The following SRCIN1 variants were observed in gnomAD, a reference collection of about 807,000 sequenced individuals.
The protein encoded by SRCIN1 is P130Cas-associated protein.
SRCIN1 carries 50 observed loss-of-function variants against 116.2 expected under a neutral mutation model. The observed-to-expected ratio is 0.43, with a 90% CI of 0.34 to 0.54. The LOEUF is 0.54. Ranked by LOEUF, SRCIN1 falls within the 20% of genes least tolerant of loss-of-function variation. SRCIN1 has a pLI of 0.02. For synonymous variants in SRCIN1, 736 were observed against 750.0 expected (o/e 0.98, Z 0.30); for missense variants, 1,446 against 1,672.0 (o/e 0.86, Z 2.36).
intron 17 of SRCIN1, chr17:38,545,160 C>T (rs2143035805): frequency 6.5e-6 from 1 of 153,098 alleles, no homozygotes; most frequent in Non-Finnish European, 1.5e-5. Context: ...CCTGAGGACA[C>T]TGTACTCTGG....
At chr17:38,553,146 C>T (rs865790945) in intron 11 of SRCIN1, among the ~76,000 whole-genome samples, 5 of 152,080 alleles carry the variant, frequency 3.3e-5, no homozygotes, top group African/African-American at 1.2e-4. Flanking sequence ...GTCCCAGCTA[C>T]TCGGGAGGCT....
rs1026505654 is a variant in SRCIN1 at position 38,552,970 on chromosome 17, G to A, written c.2202-115C>T. ...ACCAGTTGGATCGAAAGTAAAAGCAGGAGGCTGGGCACCGTGGCTCACGCC... is the reference window on the plus strand; with the variant it reads ...ACCAGTTGGATCGAAAGTAAAAGCAAGAGGCTGGGCACCGTGGCTCACGCC... On this transcript the variant is annotated intron_variant, in intron 11 of 18. Coordinates refer to ENST00000617146, the MANE Select transcript of SRCIN1 (RefSeq NM_025248.3). This position sits in a 1 kb window ranked among gnomAD's most constrained non-coding sequence, Gnocchi z 5.3. The A allele has an allele frequency of 1.3e-6, 2 of 1,490,946 alleles. No individual in the cohort carries two copies. The highest frequency in any genetic ancestry group is 1.4e-5 in the African/African-American group (1 of 71,456). The allele number at this position is 1,490,946 out of a possible 1,614,324, so 92.4% of individuals were successfully genotyped here.
Position 38,562,687 on chromosome 17 carries a change from G to C in SRCIN1, c.834+140C>G. The C allele has an allele frequency of 1.4e-6, 1 of 738,650 alleles. No homozygotes were observed. The highest frequency in any genetic ancestry group is 2.9e-5 in the East Asian group (1 of 34,332). 45.8% of individuals were successfully genotyped at this position (738,650 alleles called of 1,614,324 possible). ...GGAGGGGAAAGTGGCAGGTGGGACAGGGGCTCTTCCCTAACCCCTCAGCCC... is the reference window on the plus strand; with the variant it reads ...GGAGGGGAAAGTGGCAGGTGGGACACGGGCTCTTCCCTAACCCCTCAGCCC... On this transcript the variant is annotated intron_variant, in intron 6 of 18. Coordinates refer to ENST00000617146, the MANE Select transcript of SRCIN1 (RefSeq NM_025248.3). This position sits in a 1 kb window ranked among gnomAD's most constrained non-coding sequence, Gnocchi z 4.2.
At chr17:38,537,773 A>C (rs1904481061) in intron 18 of SRCIN1, among the ~76,000 whole-genome samples, 1 of 148,078 alleles carries the variant, frequency 6.8e-6, no homozygotes, top group Non-Finnish European at 1.5e-5. Context: ...CCTGGGCAAC[A>C]GAGCTAGACT....
Position 38,531,558 on chromosome 17 carries a change from T to C in SRCIN1, c.*1739A>G, listed in dbSNP as rs2040922167. 6.7e-6 allele frequency: 1 copy of C among 148,478 alleles called. No homozygotes were observed. Among genetic ancestry groups the C allele is most frequent in the South Asian group, 2.1e-4 (1 of 4,760 alleles). The allele number at this position is 148,478 out of a possible 1,614,324, so 9.2% of individuals were successfully genotyped here. On this transcript the variant is annotated 3_prime_UTR_variant, in exon 19 of 19. Transcript: ENST00000617146. The stretch of plus-strand genomic sequence containing the variant: ...GCATCATTTATGAGGTCCTTTTTTT[T>C]TTTTCTATTTTCCAGGGTTTTTTTT...
At chr17:38,543,026 A>G (rs1904842944) in intron 18 of SRCIN1, 1 of 454,632 alleles carries the variant, frequency 2.2e-6, no homozygotes, top group Non-Finnish European at 4.4e-6. Flanking sequence ...CTCTCACAAC[A>G]TCTGGGTCCA....
intron 1 of SRCIN1, among the ~76,000 whole-genome samples, chr17:38,589,927 CA>C (rs1401064415): frequency 6.6e-6 from 1 of 152,206 alleles, no homozygotes; most frequent in Non-Finnish European, 1.5e-5. Context: ...TTGGAAAAGG[CA>C]GGAGACTTGG....
intron 16 of SRCIN1, 87 bp downstream of exon 16, chr17:38,548,969 T>C (rs1194119518): frequency 8.3e-6 from 12 of 1,442,958 alleles, no homozygotes; most frequent in South Asian, 1.4e-5. Flanking sequence ...AAGGGGTCTC[T>C]TTCCCACCCC....
At chr17:38,547,549 C>T (rs1273509881) in intron 17 of SRCIN1, among the ~76,000 whole-genome samples, 1 of 152,150 alleles carries the variant, frequency 6.6e-6, no homozygotes, top group East Asian at 1.9e-4. Flanking sequence ...AGGGAGCCCC[C>T]CAGCAAGCAG....
intron 8 of SRCIN1, 37 bp downstream of exon 8, chr17:38,560,296 C>T: frequency 6.3e-7 from 1 of 1,577,304 alleles, no homozygotes; most frequent in Non-Finnish European, 8.6e-7. Context: ...TGCTCCACCC[C>T]TAGGCCCTGG....
chr17:38,604,516 C>T lies in SRCIN1; in HGVS notation c.22+1168G>A. 1 of 455,442 alleles carries T rather than the reference C, an allele frequency of 2.2e-6. No homozygotes were observed. 28.2% of individuals were successfully genotyped at this position (455,442 alleles called of 1,614,324 possible). ...GGCCCCCAGGGTCCCTCGGTCCAGC[C>T]TCCTCCCTGGGAGAGCGGGCTCTGC... On this transcript the variant is annotated intron_variant, in intron 1 of 18. Transcript: ENST00000617146. This position sits in a 1 kb window ranked among gnomAD's most constrained non-coding sequence, Gnocchi z 4.3.
chr17:38,535,992 G>A (rs568620538), intron 18 of SRCIN1, among the ~76,000 whole-genome samples: 1 of 152,168 alleles, frequency 6.6e-6, no homozygotes, highest in South Asian at 2.1e-4. Context: ...CTTGTCTTCC[G>A]GCACCACCAC....
chr17:38,577,811 G>A (rs999669943), intron 2 of SRCIN1, among the ~76,000 whole-genome samples: 2 of 152,176 alleles, frequency 1.3e-5, no homozygotes, highest in Non-Finnish European at 2.9e-5. Context: ...CATCCCACTC[G>A]CTATAGAAGG....
At position 38,552,310 on chromosome 17, in the gene SRCIN1, C is replaced by T; in HGVS notation, c.2480+137G>A. 1 of 1,420,830 alleles carries T rather than the reference C, an allele frequency of 7.0e-7. No homozygotes were observed. Among genetic ancestry groups the T allele is most frequent in the Non-Finnish European group, 9.4e-7 (1 of 1,067,304 alleles). The allele number at this position is 1,420,830 out of a possible 1,614,324, so 88.0% of individuals were successfully genotyped here. A position where few individuals can be genotyped will look rare whatever the true frequency, so the allele number is the denominator to read the frequency against. ...CCAGGTCTACAGCATGCAGGGGTCA[C>T]AGGGCAGAGCTGAGGTGCCAGTCCA... On this transcript the variant is annotated intron_variant, in intron 13 of 18. Transcript: ENST00000617146. The surrounding 1 kb of genome is among the most constrained non-coding windows in gnomAD (Gnocchi z 5.3).
At chr17:38,606,498 T>C (rs1909375776), upstream of SRCIN1, among the ~76,000 whole-genome samples, 1 of 152,026 alleles carries the variant, frequency 6.6e-6, no homozygotes, top group Non-Finnish European at 1.5e-5. The surrounding 1 kb of genome is among the most constrained non-coding windows in gnomAD (Gnocchi z 5.2). Flanking sequence ...GGTCGGAGGG[T>C]CTGGGCTCCC....
At chr17:38,580,089 AG>A (rs1402023506) in intron 1 of SRCIN1, among the ~76,000 whole-genome samples, 1 of 152,080 alleles carries the variant, frequency 6.6e-6, no homozygotes, top group African/African-American at 2.4e-5. Flanking sequence ...GGCTCCTCCA[AG>A]GGCAGCCCAG....
In SRCIN1 at chr17:38,563,553, G is replaced by T. The variant is rs2143204368; in HGVS notation, c.542-32C>A. ...AGGAGACGCCGCCCTCGCTGTCACT[G>T]CTGCCGTCTCCACGCCGCCCTCCAG... is the stretch of plus-strand genomic sequence containing the variant. On this transcript the variant is annotated intron_variant, in intron 4 of 18. Coordinates refer to ENST00000617146, the MANE Select transcript of SRCIN1 (RefSeq NM_025248.3). The surrounding 1 kb of genome is among the most constrained non-coding windows in gnomAD (Gnocchi z 5.8). The T allele has an allele frequency of 1.9e-6, 3 of 1,541,586 alleles. No individual in the cohort carries two copies. The Middle Eastern group carries it at 5.0e-4, about 258-fold the overall frequency.
chr17:38,565,599 C>T lies in SRCIN1; in HGVS notation c.346-1286G>A, dbSNP rs146864936. Among the ~76,000 whole-genome samples, 761 of 152,284 alleles carry T rather than the reference C, an allele frequency of 5.0e-3. 9 individuals are homozygous for T. The highest frequency in any genetic ancestry group is 0.017 in the African/African-American group (720 of 41,556). ...TCTCTAAAAAGGAATCATTTATTCT[C>T]CTCTTCAGCTCCCTCTCTCCCCAAT... On this transcript the variant is annotated intron_variant, in intron 3 of 18. Coordinates refer to ENST00000617146, the MANE Select transcript of SRCIN1 (RefSeq NM_025248.3).
chr17:38,558,512 G>T lies in SRCIN1; in HGVS notation c.2026-110C>A. On this transcript the variant is annotated intron_variant, in intron 10 of 18. Transcript: ENST00000617146. This position sits in a 1 kb window ranked among gnomAD's most constrained non-coding sequence, Gnocchi z 4.6. ...ACTGCCCAATCCAGGGCGGGGCTCT[G>T]CAGAAGAAGCGGCTGCTTGGCTCCG... 7.6e-7 allele frequency: 1 copy of T among 1,311,578 alleles called. No homozygotes were observed. The highest frequency in any genetic ancestry group is 1.0e-6 in the Non-Finnish European group (1 of 979,490). The allele number at this position is 1,311,578 out of a possible 1,614,324, so 81.2% of individuals were successfully genotyped here. A position where few individuals can be genotyped will look rare whatever the true frequency, so the allele number is the denominator to read the frequency against.
Sources: allele counts gnomAD v4.1 joint callset (sites outside exome capture counted in the v4.1 genomes callset), GRCh38; gene constraint gnomAD v4.1.1; non-coding constraint Gnocchi (gnomAD v3.1); transcripts MANE v1.5; gene names NCBI Gene and HGNC (gene_info 2026-07-23, HGNC 2026-07-21).